PPP3CA: variants seen among roughly 807,000 people sequenced by gnomAD.
PPP3CA encodes the protein CAM-PRP catalytic subunit.
A neutral mutation model predicts 66.5 loss-of-function variants in PPP3CA; 14 were observed. The observed-to-expected ratio is 0.21, with a 90% CI of 0.14 to 0.33. PPP3CA has a LOEUF of 0.33. Among genes scored for constraint, PPP3CA ranks in the 10% least tolerant of loss-of-function variants. The pLI is 1.00. For synonymous variants in PPP3CA, 232 were observed against 226.2 expected (o/e 1.03, Z -0.23); for missense variants, 317 against 639.5 (o/e 0.50, Z 5.44).
intron 11 of PPP3CA, among the ~76,000 whole-genome samples, chr4:101,033,074 TATTA>T (rs1560571001): frequency 1.3e-5 from 2 of 152,122 alleles, no homozygotes; most frequent in South Asian, 2.1e-4. Flanking sequence ...TAATTATATT[TATTA>T]ATTACTTGAC....
chr4:101,078,224 T>C (rs1488549186), intron 8 of PPP3CA, among the ~76,000 whole-genome samples: 1 of 152,176 alleles, frequency 6.6e-6, no homozygotes, highest in African/African-American at 2.4e-5. Context: ...TATAGGATCA[T>C]GGTGAGACTG....
intron 2 of PPP3CA, among the ~76,000 whole-genome samples, chr4:101,189,704 A>C (rs1213291744): frequency 2.0e-5 from 3 of 150,746 alleles, no homozygotes; most frequent in South Asian, 2.1e-4. Context: ...AAAAAAAAAA[A>C]CAAAACCAAA....
chr4:101,082,570 T>A (rs931653824), intron 7 of PPP3CA, among the ~76,000 whole-genome samples: 5 of 152,212 alleles, frequency 3.3e-5, no homozygotes, highest in Non-Finnish European at 7.3e-5. Flanking sequence ...AGTGAACATC[T>A]GAAATTTCAT....
At chr4:101,278,304 C>T (rs2110274911) in intron 1 of PPP3CA, among the ~76,000 whole-genome samples, 1 of 152,124 alleles carries the variant, frequency 6.6e-6, no homozygotes, top group East Asian at 1.9e-4. Flanking sequence ...ATTGCTTAGT[C>T]TACCTGTCAT....
chr4:101,069,600 G>A (rs1728826387), intron 8 of PPP3CA, among the ~76,000 whole-genome samples: 2 of 152,180 alleles, frequency 1.3e-5, no homozygotes, highest in African/African-American at 2.4e-5. Context: ...GCATGTGTGT[G>A]TACTGTTGAG....
intron 2 of PPP3CA, among the ~76,000 whole-genome samples, chr4:101,177,498 T>G (rs2110171866): frequency 6.6e-6 from 1 of 152,208 alleles, no homozygotes; most frequent in East Asian, 1.9e-4. Context: ...TCACCCTCCT[T>G]TTCCTGTTAA....
At chr4:101,268,933 C>A (rs1354489779) in intron 1 of PPP3CA, among the ~76,000 whole-genome samples, 1 of 152,056 alleles carries the variant, frequency 6.6e-6, no homozygotes, top group Non-Finnish European at 1.5e-5. Flanking sequence ...ATATCAGCTG[C>A]CCAAAGTTTA....
At chr4:101,115,881 T>C (rs980875256) in intron 2 of PPP3CA, among the ~76,000 whole-genome samples, 1 of 152,046 alleles carries the variant, frequency 6.6e-6, no homozygotes, top group Non-Finnish European at 1.5e-5. Context: ...TATAATTTCA[T>C]GTTAAAGTTT....
intron 10 of PPP3CA, among the ~76,000 whole-genome samples, chr4:101,046,457 G>A (rs955203045): frequency 6.6e-6 from 1 of 151,848 alleles, no homozygotes; most frequent in Non-Finnish European, 1.5e-5. Flanking sequence ...TTTACAGGAC[G>A]TATAACTAAT....
At chr4:101,070,882 G>C (rs1354488065) in intron 8 of PPP3CA, among the ~76,000 whole-genome samples, 2 of 152,162 alleles carry the variant, frequency 1.3e-5, no homozygotes, top group African/African-American at 4.8e-5. Context: ...ATTTTGCATA[G>C]AGTATTTGAA....
At position 101,025,117 on chromosome 4, in the gene PPP3CA, A is replaced by T. The variant is rs1726568081; in HGVS notation, c.*748T>A. 1 of 152,470 alleles carries T rather than the reference A, an allele frequency of 6.6e-6. No homozygotes were observed. Among genetic ancestry groups the T allele is most frequent in the African/African-American group, 2.4e-5 (1 of 41,420 alleles). The allele number at this position is 152,470 out of a possible 1,614,324, so 9.4% of individuals were successfully genotyped here. A position where few individuals can be genotyped will look rare whatever the true frequency, so the allele number is the denominator to read the frequency against. ...TATAAACGGCAAAAAAGATAGATAT[A>T]ATTATTCCAGTTTTTTTAAAACTTA... On this transcript the variant is annotated 3_prime_UTR_variant, in exon 14 of 14. Coordinates refer to ENST00000394854, the MANE Select transcript of PPP3CA (RefSeq NM_000944.5).
intron 2 of PPP3CA, among the ~76,000 whole-genome samples, chr4:101,152,476 T>C (rs1723174610): frequency 1.3e-5 from 2 of 152,252 alleles, no homozygotes; most frequent in Admixed American, 6.5e-5. Flanking sequence ...TCTAATGTAG[T>C]AGGTGCTGAA....
intron 2 of PPP3CA, among the ~76,000 whole-genome samples, chr4:101,172,502 AACAGAGTTAGTC>A (rs1319536304): frequency 1.3e-5 from 2 of 150,272 alleles, no homozygotes; most frequent in African/African-American, 4.9e-5. Flanking sequence ...CACTGTGACT[AACAGAGTTAGTC>A]ACAGTTCCCT....
intron 8 of PPP3CA, among the ~76,000 whole-genome samples, chr4:101,067,382 T>C (rs1453214444): frequency 6.6e-6 from 1 of 152,002 alleles, no homozygotes; most frequent in East Asian, 1.9e-4. Flanking sequence ...TTATTTCTAA[T>C]AACACAACTG....
intron 1 of PPP3CA, among the ~76,000 whole-genome samples, chr4:101,301,869 T>C (rs1728388629): frequency 6.6e-6 from 1 of 150,520 alleles, no homozygotes; most frequent in South Asian, 2.1e-4. Context: ...AGGAAATTAC[T>C]AGATAATGAT....
At chr4:101,172,942 A>G (rs544641941) in intron 2 of PPP3CA, among the ~76,000 whole-genome samples, 1 of 152,326 alleles carries the variant, frequency 6.6e-6, no homozygotes, top group East Asian at 1.9e-4. Context: ...CAAGGCACAC[A>G]TTAGATTTGT....
intron 1 of PPP3CA, among the ~76,000 whole-genome samples, chr4:101,329,797 A>G (rs1237895675): frequency 1.3e-5 from 2 of 152,138 alleles, no homozygotes; most frequent in African/African-American, 2.4e-5. Context: ...ACATCTGTTT[A>G]CAGCATTGTT....
intron 1 of PPP3CA, among the ~76,000 whole-genome samples, chr4:101,329,217 T>C (rs906978154): frequency 1.3e-5 from 2 of 152,114 alleles, no homozygotes; most frequent in African/African-American, 4.8e-5. Context: ...CTAAAGAGCC[T>C]AATGCCAATA....
At chr4:101,299,034 T>C (rs917988391) in intron 1 of PPP3CA, among the ~76,000 whole-genome samples, 3 of 152,070 alleles carry the variant, frequency 2.0e-5, no homozygotes, top group South Asian at 2.1e-4. Context: ...AACTATGATA[T>C]TCAGCACCAC....
Sources: gnomAD v4.1 joint callset for allele counts (sites outside exome capture counted in the v4.1 genomes callset) on GRCh38, gnomAD v4.1.1 for gene constraint, MANE v1.5 for transcripts, NCBI Gene and HGNC (gene_info 2026-07-23, HGNC 2026-07-21) for gene names.